Variants in DAB1 observed in about 807,000 individuals in gnomAD.
DAB1 encodes the protein DAB adaptor protein 1, also known as disabled homolog 1.
DAB1 carries 15 observed loss-of-function variants against 64.6 expected under a neutral mutation model. The observed-to-expected ratio is 0.23, with a 90% confidence interval of 0.16 to 0.36. DAB1 has a LOEUF of 0.36. Among genes scored for constraint, DAB1 ranks in the 10% least tolerant of loss-of-function variants. DAB1 has a pLI of 1.00. For missense variants in DAB1, 596 were observed against 706.7 expected (o/e 0.84, Z 1.78); for synonymous variants, 235 against 251.9 (o/e 0.93, Z 0.64).
chr1:57,072,723 G>A (rs1651611134), intron 4 of DAB1, among the ~76,000 whole-genome samples: 1 of 152,132 alleles, frequency 6.6e-6, no homozygotes, highest in Admixed American at 6.5e-5. Context: ...CTGTTTGATC[G>A]TTTTACATGA....
At chr1:57,259,012 T>G (rs1297537201) in intron 2 of DAB1, among the ~76,000 whole-genome samples, 1 of 152,154 alleles carries the variant, frequency 6.6e-6, no homozygotes, top group Non-Finnish European at 1.5e-5. Flanking sequence ...TGGTAGATTT[T>G]TGTGAGGATT....
In DAB1 at chr1:57,389,492, T is replaced by C. The variant is rs1024710028; in HGVS notation, c.-137+34438A>G. On this transcript the variant is annotated intron_variant, in intron 1 of 14. Coordinates refer to ENST00000371236, the MANE Select transcript of DAB1 (RefSeq NM_001365792.1). Reference sequence around the variant, plus strand: ...GGGTTCAACTAAGGGAAACACACCATGGTAGTTCCTGTGGCCCTGCCTCAA... The same window carrying C: ...GGGTTCAACTAAGGGAAACACACCACGGTAGTTCCTGTGGCCCTGCCTCAA... Among the ~76,000 whole-genome samples, 25 of 152,140 alleles carry C rather than the reference T, an allele frequency of 1.6e-4. 2 individuals carry two copies. Among genetic ancestry groups the C allele is most frequent in the Admixed American group, 1.4e-3 (22 of 15,270 alleles).
intron 1 of DAB1, among the ~76,000 whole-genome samples, chr1:57,338,627 T>G (rs1348734490): frequency 6.6e-6 from 1 of 152,212 alleles, no homozygotes; most frequent in South Asian, 2.1e-4. Context: ...AAAACCCATA[T>G]GTAGTATCTA....
At chr1:58,355,661 C>T (rs1644103645) in intron 3 of DAB1, among the ~76,000 whole-genome samples, 1 of 152,138 alleles carries the variant, frequency 6.6e-6, no homozygotes, top group South Asian at 2.1e-4. Flanking sequence ...AAGGCATCTG[C>T]CCCCTGGAGA....
At chr1:58,515,400 T>C (rs932282575) in intron 2 of DAB1, among the ~76,000 whole-genome samples, 6 of 152,190 alleles carry the variant, frequency 3.9e-5, no homozygotes, top group Non-Finnish European at 8.8e-5. Flanking sequence ...CAGCAGGTCA[T>C]TTCACCAATC....
At chr1:58,401,441 TTCC>T (rs1427396040) in intron 3 of DAB1, among the ~76,000 whole-genome samples, 45 of 152,144 alleles carry the variant, frequency 3.0e-4, no homozygotes, top group African/African-American at 9.9e-4. Flanking sequence ...ACCCATCACC[TTCC>T]TCAATTCTTT....
At chr1:58,025,969 C>G (rs2100466027) in intron 5 of DAB1, among the ~76,000 whole-genome samples, 1 of 152,044 alleles carries the variant, frequency 6.6e-6, no homozygotes, top group Non-Finnish European at 1.5e-5. Flanking sequence ...GCCATGTCAC[C>G]CCAAACACTC....
chr1:57,149,443 C>T (rs1453952176), intron 2 of DAB1, among the ~76,000 whole-genome samples: 1 of 152,170 alleles, frequency 6.6e-6, no homozygotes, highest in Non-Finnish European at 1.5e-5. Context: ...TACAACCCTC[C>T]TAGCAAAATA....
chr1:58,377,588 C>A lies in DAB1; in HGVS notation n.258-34185G>T, dbSNP rs1017216072. Among the ~76,000 whole-genome samples, 3 of 137,346 alleles carry A rather than the reference C, an allele frequency of 2.2e-5. 1 individual carries two copies. Among genetic ancestry groups the A allele is most frequent in the Non-Finnish European group, 4.9e-5 (3 of 61,772 alleles). 90.1% of individuals were successfully genotyped at this position (137,346 alleles called of 152,430 possible). A position where few individuals can be genotyped will look rare whatever the true frequency, so the allele number is the denominator to read the frequency against. On this transcript the variant is annotated intron_variant and non_coding_transcript_variant, in intron 3 of 20. Transcript: ENST00000485760. ...GGGCTTCCCTTTGAGGGTAACCCGA[C>A]CTTTCTCTCTAGCTGCCCTTAACAT...
intron 5 of DAB1, among the ~76,000 whole-genome samples, chr1:57,899,207 G>A (rs1281393149): frequency 6.6e-6 from 1 of 151,908 alleles, no homozygotes; most frequent in African/African-American, 2.4e-5. Flanking sequence ...TTTCTTTTGT[G>A]AAGTTTGAAT....
At chr1:57,680,578 A>C (rs892867574) in intron 6 of DAB1, among the ~76,000 whole-genome samples, 2 of 152,148 alleles carry the variant, frequency 1.3e-5, no homozygotes, top group African/African-American at 2.4e-5. Flanking sequence ...TCATCACTCC[A>C]ATGATTTGTT....
intron 7 of DAB1, among the ~76,000 whole-genome samples, chr1:57,568,985 G>A (rs1323957909): frequency 1.2e-4 from 18 of 152,018 alleles, no homozygotes; most frequent in South Asian, 4.1e-4. Flanking sequence ...ACGGCCGGGC[G>A]CGGTGGCTCA....
intron 4 of DAB1, among the ~76,000 whole-genome samples, chr1:58,306,440 T>C (rs1438033229): frequency 6.6e-6 from 1 of 152,172 alleles, no homozygotes; most frequent in Non-Finnish European, 1.5e-5. Context: ...CGCTTTGAGT[T>C]GGTAGACAAA....
At chr1:58,469,578 G>C (rs1645334553) in intron 3 of DAB1, among the ~76,000 whole-genome samples, 1 of 152,168 alleles carries the variant, frequency 6.6e-6, no homozygotes, top group African/African-American at 2.4e-5. Flanking sequence ...GATCTCCACT[G>C]AACCTTCTAA....
At chr1:58,143,064 C>G (rs1460106587) in intron 5 of DAB1, among the ~76,000 whole-genome samples, 7 of 152,078 alleles carry the variant, frequency 4.6e-5, no homozygotes, top group Non-Finnish European at 1.0e-4. Flanking sequence ...GGTGGTGAAA[C>G]CCAGCAATCT....
At chr1:57,740,012 T>C (rs886757835) in intron 6 of DAB1, among the ~76,000 whole-genome samples, 9 of 118,432 alleles carry the variant, frequency 7.6e-5, no homozygotes, top group Non-Finnish European at 1.3e-4. Context: ...TTGGCCAACA[T>C]AGCAAAAACC....
At chr1:58,266,948 G>A (rs907859449) in intron 4 of DAB1, among the ~76,000 whole-genome samples, 1 of 151,690 alleles carries the variant, frequency 6.6e-6, no homozygotes, top group Non-Finnish European at 1.5e-5. Context: ...GGCTGGGCGC[G>A]GTGGCTCATG....
chr1:57,288,480 A>G (rs959900266), intron 2 of DAB1, among the ~76,000 whole-genome samples: 1 of 152,080 alleles, frequency 6.6e-6, no homozygotes, highest in Non-Finnish European at 1.5e-5. Context: ...GGCTCTTGTG[A>G]TGGGAAAGAA....
intron 6 of DAB1, among the ~76,000 whole-genome samples, chr1:57,789,741 T>C (rs547509037): frequency 1.3e-5 from 2 of 152,346 alleles, no homozygotes; most frequent in African/African-American, 4.8e-5. Context: ...ATTCAATTAA[T>C]AGCACAGCCT....
Sources: gnomAD v4.1 joint callset for allele counts (sites outside exome capture counted in the v4.1 genomes callset) on GRCh38, gnomAD v4.1.1 for gene constraint, MANE v1.5 for transcripts, NCBI Gene and HGNC (gene_info 2026-07-23, HGNC 2026-07-21) for gene names.